SETD2: variants seen among roughly 807,000 people sequenced by gnomAD.
SETD2 encodes the protein histone-lysine N-methyltransferase SETD2.
A neutral mutation model predicts 242.1 loss-of-function variants in SETD2; 31 were observed. The ratio of observed to expected loss-of-function variants is 0.13; its 90% CI spans 0.10 to 0.17. The LOEUF (loss-of-function observed/expected upper bound fraction) is 0.17, where lower values mean the gene tolerates loss of function less well. SETD2 is among the 10% of genes least tolerant of loss of function. The pLI is 1.00. For synonymous variants in SETD2, 1,006 were observed against 1,066.5 expected (o/e 0.94, Z 1.11); for missense variants, 2,481 against 3,046.3 (o/e 0.81, Z 4.37).
intron 2 of SETD2, among the ~76,000 whole-genome samples, chr3:47,125,658 C>T (rs1464560310): frequency 1.3e-5 from 2 of 152,160 alleles, no homozygotes; most frequent in African/African-American, 2.4e-5. Flanking sequence ...CTGGGCCCCC[C>T]ACCCTCAAGT....
At chr3:47,164,786 C>G (rs1247931436), upstream of SETD2, among the ~76,000 whole-genome samples, 1 of 152,246 alleles carries the variant, frequency 6.6e-6, no homozygotes, top group Non-Finnish European at 1.5e-5. The surrounding 1 kb of genome is among the most constrained non-coding windows in gnomAD (Gnocchi z 5.4). Context: ...CCGCTGTGCC[C>G]TCGGGGCTCC....
intron 1 of SETD2, among the ~76,000 whole-genome samples, chr3:47,148,983 C>T (rs958564990): frequency 2.6e-5 from 4 of 152,186 alleles, no homozygotes; most frequent in African/African-American, 9.6e-5. Context: ...TTACCTTTTG[C>T]TGAATGATAT....
chr3:47,149,236 T>C (rs2043929539), intron 1 of SETD2, among the ~76,000 whole-genome samples: 1 of 152,178 alleles, frequency 6.6e-6, no homozygotes, highest in Non-Finnish European at 1.5e-5. Flanking sequence ...TAAATGAATA[T>C]TACCCAAGTT....
intron 8 of SETD2, among the ~76,000 whole-genome samples, chr3:47,101,238 A>G (rs936915239): frequency 3.9e-5 from 6 of 152,258 alleles, no homozygotes; most frequent in African/African-American, 1.4e-4. Flanking sequence ...AGTAGACCAT[A>G]TGAAGTTGAG....
At chr3:47,116,815 T>C (rs1224151854) in intron 3 of SETD2, 61 bp from the exon 4 acceptor site, 1 of 1,171,744 alleles carries the variant, frequency 8.5e-7, no homozygotes, top group Non-Finnish European at 1.2e-6. Flanking sequence ...ATATAACATA[T>C]ATAATCAAAT....
intron 1 of SETD2, among the ~76,000 whole-genome samples, chr3:47,155,793 G>C (rs1176490804): frequency 6.6e-6 from 1 of 152,134 alleles, no homozygotes; most frequent in Non-Finnish European, 1.5e-5. Context: ...GTGACAGAGT[G>C]AGACCCTGTC....
At chr3:47,110,809 T>C (rs1184045734) in intron 5 of SETD2, among the ~76,000 whole-genome samples, 3 of 152,138 alleles carry the variant, frequency 2.0e-5, no homozygotes, top group South Asian at 4.1e-4. Context: ...GGGTTCTCTG[T>C]GAATAGCTGA....
intron 1 of SETD2, among the ~76,000 whole-genome samples, chr3:47,152,385 A>C (rs1354478062): frequency 1.3e-5 from 2 of 152,204 alleles, no homozygotes; most frequent in Non-Finnish European, 2.9e-5. Context: ...GGCAATTTTT[A>C]ACCAGATGTA....
chr3:47,103,558 G>C (rs184348532), intron 6 of SETD2, 135 bp from the exon 7 acceptor site: 1 of 610,142 alleles, frequency 1.6e-6, no homozygotes, highest in African/African-American at 1.9e-5. Context: ...AGTTAAGGTA[G>C]GGCAGTGAGG....
At chr3:47,066,815 C>T (rs573640678) in intron 13 of SETD2, among the ~76,000 whole-genome samples, 2 of 151,326 alleles carry the variant, frequency 1.3e-5, no homozygotes, top group East Asian at 1.9e-4. Flanking sequence ...AGAGGACAAA[C>T]GAATAGAAAA....
In SETD2 at chr3:47,021,933, G is replaced by A. The variant is rs547325788; in HGVS notation, c.7351-2093C>T. Among the ~76,000 whole-genome samples the A allele has an allele frequency of 2.6e-5, 4 of 152,202 alleles. No individual in the cohort carries two copies. The South Asian group carries it at 8.3e-4, about 32-fold the overall frequency. On this transcript the variant is annotated intron_variant, in intron 18 of 20. Coordinates refer to ENST00000409792, the MANE Select transcript of SETD2 (RefSeq NM_014159.7). ...GGAGGCGGAGGAGGGCGGATCACGAGGTCAAGAGATCAAGACCATCCTGGC... is the reference window on the plus strand; with the variant it reads ...GGAGGCGGAGGAGGGCGGATCACGAAGTCAAGAGATCAAGACCATCCTGGC...
chr3:47,084,472 T>C (rs2041462401), intron 11 of SETD2, 90 bp from the exon 12 acceptor site: 2 of 834,748 alleles, frequency 2.4e-6, no homozygotes, highest in Admixed American at 5.5e-5. Flanking sequence ...TCACCCAGGC[T>C]GGAATGCAAT....
intron 15 of SETD2, among the ~76,000 whole-genome samples, chr3:47,048,304 G>A (rs866162590): frequency 2.6e-5 from 4 of 152,210 alleles, no homozygotes; most frequent in East Asian, 3.9e-4. Flanking sequence ...CAGAAGAATC[G>A]CTTGAACCCA....
intron 1 of SETD2, among the ~76,000 whole-genome samples, chr3:47,127,808 C>T (rs541469879): frequency 6.6e-6 from 1 of 152,130 alleles, no homozygotes; most frequent in African/African-American, 2.4e-5. Context: ...GAGCCAAAGT[C>T]GTGCCATTGC....
chr3:47,144,296 C>A (rs2043802267), intron 1 of SETD2, among the ~76,000 whole-genome samples: 2 of 152,078 alleles, frequency 1.3e-5, no homozygotes, highest in Admixed American at 6.5e-5. Flanking sequence ...GAGTTCAAGA[C>A]CAGCCTGGGC....
At chr3:47,087,767 C>A (rs1427203270) in intron 10 of SETD2, among the ~76,000 whole-genome samples, 1 of 151,996 alleles carries the variant, frequency 6.6e-6, no homozygotes, top group African/African-American at 2.4e-5. Context: ...AGGATTTCCA[C>A]ACCAGCCTGG....
At chr3:47,043,937 C>T (rs1016898382) in intron 16 of SETD2, among the ~76,000 whole-genome samples, 1 of 152,154 alleles carries the variant, frequency 6.6e-6, no homozygotes, top group South Asian at 2.1e-4. Context: ...ATTCCCAACA[C>T]AAAACTTTAT....
At chr3:47,109,410 C>T (rs2042565164) in intron 5 of SETD2, among the ~76,000 whole-genome samples, 1 of 152,100 alleles carries the variant, frequency 6.6e-6, no homozygotes, top group South Asian at 2.1e-4. Flanking sequence ...CTTTGGAAAG[C>T]CAAGGTGAGA....
Position 47,046,598 on chromosome 3 carries a change from C to A in SETD2, c.6987G>T (p.Gln2329His). ...IVQSYAQPSLQYIQGQQIFTA... is the reference protein window; with the variant it reads ...IVQSYAQPSLHYIQGQQIFTA... ...TGAAAATCTGTTGCCCCTGGATATA[C>A]TGAAGACTTGGCTGGGCATAACTCT... is the stretch of plus-strand genomic sequence containing the variant. Residue 2329 changes from glutamine to histidine, a missense_variant, in exon 16 of 21, where the codon CAG (glutamine) becomes CAT (histidine). By Grantham distance (24) the Gln-to-His change is conservative. Coordinates refer to ENST00000409792, the MANE Select transcript of SETD2 (RefSeq NM_014159.7). 1 of 1,611,910 alleles carries A rather than the reference C, an allele frequency of 6.2e-7. No homozygotes were observed. Among genetic ancestry groups the A allele is most frequent in the Non-Finnish European group, 8.5e-7 (1 of 1,178,936 alleles).
Sources: gnomAD v4.1 joint callset for allele counts (sites outside exome capture counted in the v4.1 genomes callset) on GRCh38, gnomAD v4.1.1 for gene constraint, Gnocchi (gnomAD v3.1) non-coding constraint, MANE v1.5 for transcripts, NCBI Gene and HGNC (gene_info 2026-07-23, HGNC 2026-07-21) for gene names.